The following RAD51B variants were observed in gnomAD, a reference collection of about 807,000 sequenced individuals.
RAD51B encodes RAD51 paralog B.
Under a neutral mutation model 42.2 loss-of-function variants are expected in RAD51B, and 38 were observed. The ratio of observed to expected loss-of-function variants is 0.90; its 90% CI spans 0.70 to 1.18. The LOEUF is 1.18. Among genes scored for constraint, RAD51B ranks in the 50% most tolerant of loss-of-function variants. The probability of loss-of-function intolerance (pLI) is 0.00; values close to 1 mark genes in which losing one functional copy is unlikely to be tolerated. For synonymous variants in RAD51B, 154 were observed against 145.2 expected (o/e 1.06, Z -0.43); for missense variants, 373 against 400.7 (o/e 0.93, Z 0.59).
rs1889256057 is a variant in RAD51B at position 68,563,434 on chromosome 14, C to T, written c.1037-31051C>T. 3.0e-6 allele frequency: 3 copies of T among 985,306 alleles called. No homozygotes were observed. In the South Asian group the frequency reaches 1.4e-4, roughly 46 times the overall value. 61.0% of individuals were successfully genotyped at this position (985,306 alleles called of 1,614,324 possible). ...AGCCCAGTTATTTACCCAAAGAAAA[C>T]AGGGAAGTGACAAGGTAACAGAGTA... On this transcript the variant is annotated intron_variant, in intron 10 of 10. Transcript: ENST00000487270.
chr14:68,174,400 G>A (rs1052538134), intron 7 of RAD51B, among the ~76,000 whole-genome samples: 4 of 151,036 alleles, frequency 2.6e-5, no homozygotes, highest in African/African-American at 9.7e-5. Flanking sequence ...GAAAAAAAAA[G>A]TGGTTATAAG....
chr14:68,100,094 G>A (rs2077263358), intron 7 of RAD51B, among the ~76,000 whole-genome samples: 1 of 152,084 alleles, frequency 6.6e-6, no homozygotes. Flanking sequence ...TCATGTCTTT[G>A]TTAATGTACA....
At chr14:68,287,016 G>C (rs971685252) in intron 7 of RAD51B, among the ~76,000 whole-genome samples, 1 of 151,866 alleles carries the variant, frequency 6.6e-6, no homozygotes, top group Non-Finnish European at 1.5e-5. Flanking sequence ...TGTGTTGGTT[G>C]GATTTTCCTG....
intron 7 of RAD51B, among the ~76,000 whole-genome samples, chr14:67,983,296 T>G (rs192071291): frequency 1.3e-5 from 2 of 152,150 alleles, no homozygotes; most frequent in Admixed American, 1.3e-4. Flanking sequence ...ATCTCATTGG[T>G]CTCTTTATAT....
intron 7 of RAD51B, among the ~76,000 whole-genome samples, chr14:67,920,720 C>T (rs910635218): frequency 2.6e-5 from 4 of 152,090 alleles, no homozygotes; most frequent in African/African-American, 9.7e-5. Flanking sequence ...GTATGACAGG[C>T]TCTGTGCTTG....
chr14:68,508,503 A>T (rs1220866627), intron 10 of RAD51B, among the ~76,000 whole-genome samples: 1 of 152,188 alleles, frequency 6.6e-6, no homozygotes, highest in African/African-American at 2.4e-5. Flanking sequence ...TACGCAAGCC[A>T]GCGTGGCACC....
chr14:67,984,930 T>G (rs1056079361), intron 7 of RAD51B, among the ~76,000 whole-genome samples: 10 of 152,198 alleles, frequency 6.6e-5, no homozygotes, highest in African/African-American at 2.4e-4. Context: ...AATACATATG[T>G]TGAGGGAGTG....
At chr14:68,306,265 T>C (rs1025611398) in intron 8 of RAD51B, among the ~76,000 whole-genome samples, 1 of 152,218 alleles carries the variant, frequency 6.6e-6, no homozygotes, top group Non-Finnish European at 1.5e-5. Flanking sequence ...AGTAGGAGAT[T>C]GCAATTCACA....
intron 7 of RAD51B, among the ~76,000 whole-genome samples, chr14:67,976,055 G>A (rs1022905285): frequency 6.7e-5 from 10 of 149,212 alleles, no homozygotes; most frequent in African/African-American, 2.5e-4. Flanking sequence ...CATAAACCCA[G>A]TTTGGACTTT....
intron 7 of RAD51B, among the ~76,000 whole-genome samples, chr14:68,227,400 C>T (rs576326109): frequency 2.0e-5 from 3 of 152,282 alleles, no homozygotes; most frequent in East Asian, 3.9e-4. Context: ...TTCCCACATA[C>T]CAACTGTTGA....
intron 5 of RAD51B, among the ~76,000 whole-genome samples, chr14:67,868,692 C>T (rs1382802220): frequency 6.6e-6 from 1 of 152,288 alleles, no homozygotes; most frequent in Admixed American, 6.5e-5. Context: ...CCCTGTCTGA[C>T]AGCTTTGAAG....
At chr14:68,225,898 A>G (rs1372144451) in intron 7 of RAD51B, among the ~76,000 whole-genome samples, 3 of 152,242 alleles carry the variant, frequency 2.0e-5, no homozygotes, top group African/African-American at 7.2e-5. Flanking sequence ...GGAGTAGACT[A>G]CTGAGAAATA....
intron 7 of RAD51B, among the ~76,000 whole-genome samples, chr14:68,199,975 C>A (rs2079449960): frequency 6.6e-6 from 1 of 152,232 alleles, no homozygotes. Flanking sequence ...CTGAATGCCA[C>A]AGAAGTGGGA....
At chr14:68,641,783 A>G (rs1004947459) in intron 10 of RAD51B, among the ~76,000 whole-genome samples, 4 of 151,524 alleles carry the variant, frequency 2.6e-5, no homozygotes, top group African/African-American at 4.9e-5. Flanking sequence ...CTTGTCTCCA[A>G]CTCCTGGGTT....
rs370794025 is a variant in RAD51B, at chr14:68,660,021, T to G, written c.*11+9165T>G. Among the ~76,000 whole-genome samples, 45 of 152,334 alleles carry G rather than the reference T, an allele frequency of 3.0e-4. No homozygotes were observed. In the East Asian group the frequency reaches 6.7e-3, roughly 23 times the overall value. ...CACTGTTCTGTGAGATTCCTATTGA[T>G]GTCAGTAGCTTTTAAACGAATAAGC... is the stretch of plus-strand genomic sequence containing the variant. On this transcript the variant is annotated intron_variant, in intron 11 of 11. Transcript: ENST00000488612.
intron 7 of RAD51B, among the ~76,000 whole-genome samples, chr14:67,954,305 C>T (rs894745846): frequency 2.0e-5 from 3 of 152,094 alleles, no homozygotes; most frequent in African/African-American, 4.8e-5. Context: ...TGCTTAATTC[C>T]GCACTCAGGA....
At chr14:67,847,432 C>T (rs1175126292) in intron 4 of RAD51B, among the ~76,000 whole-genome samples, 2 of 142,766 alleles carry the variant, frequency 1.4e-5, no homozygotes, top group East Asian at 4.4e-4. Flanking sequence ...TATAAACTTT[C>T]CTCTTAATAC....
intron 7 of RAD51B, among the ~76,000 whole-genome samples, chr14:68,209,508 A>T (rs188161042): frequency 6.6e-6 from 1 of 152,294 alleles, no homozygotes; most frequent in East Asian, 1.9e-4. Context: ...GAGTTTTTCC[A>T]TGAGCATTTT....
chr14:68,608,447 G>A (rs1891543410), intron 10 of RAD51B, among the ~76,000 whole-genome samples: 1 of 152,184 alleles, frequency 6.6e-6, no homozygotes, highest in Non-Finnish European at 1.5e-5. Context: ...CCTTGCTTGA[G>A]CGTGGTGAGG....
Sources: gnomAD v4.1 joint callset for allele counts (sites outside exome capture counted in the v4.1 genomes callset) on GRCh38, gnomAD v4.1.1 for gene constraint, MANE v1.5 for transcripts, NCBI Gene and HGNC (gene_info 2026-07-23, HGNC 2026-07-21) for gene names.